RBFOX1: variants seen among roughly 807,000 people sequenced by gnomAD.
RBFOX1 encodes RNA binding fox-1 homolog 1.
In RBFOX1, 8 loss-of-function variants were observed where a neutral mutation model predicts 57.7. That is an observed-to-expected ratio of 0.14 (90% CI 0.08 to 0.25). The LOEUF is 0.25. Among genes scored for constraint, RBFOX1 ranks in the 10% least tolerant of loss-of-function variants. The pLI is 1.00. For missense variants in RBFOX1, 611 were observed against 548.5 expected (o/e 1.11, Z -1.14); for synonymous variants, 326 against 222.4 (o/e 1.47, Z -4.15).
intron 1 of RBFOX1, among the ~76,000 whole-genome samples, chr16:6,200,060 A>G (rs1350652623): frequency 3.3e-5 from 5 of 152,118 alleles, no homozygotes; most frequent in Non-Finnish European, 7.4e-5. Flanking sequence ...ACAAATGGAG[A>G]TGTCTAGAGG....
chr16:6,855,431 C>T lies in RBFOX1; in HGVS notation c.-15-196626C>T, dbSNP rs547613702. On this transcript the variant is annotated intron_variant, in intron 3 of 15. Coordinates refer to ENST00000550418, the MANE Select transcript of RBFOX1 (RefSeq NM_018723.4). ...CTTTGGGAGGGTGAGGCGGGCGGAT[C>T]ATGAGGTCAGGAGATCGAGACCATC... 3.2e-3 allele frequency among the ~76,000 whole-genome samples: 483 copies of T among 152,104 alleles called. 1 individual carries two copies. The highest frequency in any genetic ancestry group is 4.8e-3 in the Non-Finnish European group (324 of 67,984).
chr16:5,830,447 T>C (rs953250678), intron 3 of RBFOX1, among the ~76,000 whole-genome samples: 3 of 151,890 alleles, frequency 2.0e-5, no homozygotes, highest in African/African-American at 7.3e-5. Flanking sequence ...TATCACAGAC[T>C]CGCCACTGAG....
chr16:6,583,543 A>G (rs762341344), intron 2 of RBFOX1, among the ~76,000 whole-genome samples: 3 of 152,238 alleles, frequency 2.0e-5, no homozygotes, highest in Non-Finnish European at 4.4e-5. Flanking sequence ...CCTTTCTTCC[A>G]AGTAATTGGG....
chr16:5,483,821 G>C (rs568272212), intron 2 of RBFOX1, among the ~76,000 whole-genome samples: 2 of 152,192 alleles, frequency 1.3e-5, no homozygotes, highest in East Asian at 1.9e-4. Flanking sequence ...GTCGGCATTT[G>C]TGCAATGGCT....
chr16:5,658,027 C>A (rs189750582), intron 3 of RBFOX1, among the ~76,000 whole-genome samples: 48 of 152,240 alleles, frequency 3.2e-4, no homozygotes, highest in Admixed American at 8.5e-4. Context: ...CCACTGCGCC[C>A]AGCTAAGGTC....
intron 11 of RBFOX1, among the ~76,000 whole-genome samples, chr16:7,649,399 C>T (rs2064458850): frequency 6.6e-6 from 1 of 152,168 alleles, no homozygotes; most frequent in Non-Finnish European, 1.5e-5. Flanking sequence ...GTTTAGTAAA[C>T]ATAATCAATC....
intron 3 of RBFOX1, among the ~76,000 whole-genome samples, chr16:5,861,522 C>A (rs768956842): frequency 2.6e-5 from 4 of 152,210 alleles, no homozygotes; most frequent in Non-Finnish European, 5.9e-5. Flanking sequence ...TGCTCTCCCA[C>A]CTGGGACTCC....
At chr16:6,264,667 T>C (rs1486101628) in intron 1 of RBFOX1, among the ~76,000 whole-genome samples, 1 of 152,180 alleles carries the variant, frequency 6.6e-6, no homozygotes, top group African/African-American at 2.4e-5. Context: ...TTGTCTTCAG[T>C]AATCCGGATC....
intron 3 of RBFOX1, among the ~76,000 whole-genome samples, chr16:5,684,485 C>CTT (rs142469326): frequency 0.02 from 3,077 of 152,256 alleles, 96 homozygotes; most frequent in African/African-American, 0.07. Flanking sequence ...CTGACTGTTC[C>CTT]TTGTGTAGGT....
intron 4 of RBFOX1, among the ~76,000 whole-genome samples, chr16:5,939,333 G>A (rs1197085017): frequency 6.6e-6 from 1 of 152,234 alleles, no homozygotes; most frequent in East Asian, 1.9e-4. Flanking sequence ...CAGTTTCTGA[G>A]GTTCAGGAAT....
At chr16:7,562,095 A>G (rs950304278) in intron 5 of RBFOX1, among the ~76,000 whole-genome samples, 2 of 152,228 alleles carry the variant, frequency 1.3e-5, no homozygotes, top group African/African-American at 4.8e-5. Flanking sequence ...TTGCTAAGCT[A>G]GAGAACAATG....
At chr16:5,400,546 C>T (rs2066686710) in intron 1 of RBFOX1, among the ~76,000 whole-genome samples, 1 of 152,110 alleles carries the variant, frequency 6.6e-6, no homozygotes, top group Non-Finnish European at 1.5e-5. Flanking sequence ...AAAATATTAT[C>T]TCTTGAACAT....
intron 2 of RBFOX1, among the ~76,000 whole-genome samples, chr16:6,459,359 C>T (rs557685456): frequency 6.6e-6 from 1 of 152,164 alleles, no homozygotes; most frequent in Non-Finnish European, 1.5e-5. Flanking sequence ...AGGATACTCA[C>T]TCGGCTTACC....
intron 4 of RBFOX1, among the ~76,000 whole-genome samples, chr16:7,399,369 C>G (rs907919145): frequency 6.6e-6 from 1 of 152,108 alleles, no homozygotes; most frequent in African/African-American, 2.4e-5. Flanking sequence ...ATTGCTTTAA[C>G]CTGGGAGGCA....
intron 1 of RBFOX1, among the ~76,000 whole-genome samples, chr16:6,071,366 C>T (rs985578040): frequency 1.3e-5 from 2 of 151,978 alleles, no homozygotes; most frequent in African/African-American, 4.8e-5. Flanking sequence ...GTAACCTTGA[C>T]ATGTAAAGGG....
chr16:6,338,608 C>T (rs911601947), intron 2 of RBFOX1, among the ~76,000 whole-genome samples: 1 of 152,170 alleles, frequency 6.6e-6, no homozygotes, highest in Non-Finnish European at 1.5e-5. Flanking sequence ...TTGGCTTTCT[C>T]TTAAAGAGTA....
intron 3 of RBFOX1, among the ~76,000 whole-genome samples, chr16:6,801,199 C>CAAA (rs200091675): frequency 2.2e-5 from 2 of 91,572 alleles, no homozygotes; most frequent in African/African-American, 6.7e-5. Flanking sequence ...ATTGAACATG[C>CAAA]AAAAAAAAAA....
intron 4 of RBFOX1, among the ~76,000 whole-genome samples, chr16:7,513,321 A>G (rs370061051): frequency 6.6e-6 from 1 of 152,092 alleles, no homozygotes; most frequent in Non-Finnish European, 1.5e-5. Context: ...TGAACTCCCC[A>G]CCAGGTGATT....
At chr16:7,172,140 C>T (rs1481532569) in intron 4 of RBFOX1, among the ~76,000 whole-genome samples, 1 of 152,108 alleles carries the variant, frequency 6.6e-6, no homozygotes, top group Non-Finnish European at 1.5e-5. Flanking sequence ...TATAAATGAC[C>T]TTTCATTTTT....
Sources: allele counts gnomAD v4.1 joint callset (sites outside exome capture counted in the v4.1 genomes callset), GRCh38; gene constraint gnomAD v4.1.1; transcripts MANE v1.5; gene names NCBI Gene and HGNC (gene_info 2026-07-23, HGNC 2026-07-21).